Variants in RIN3 observed in about 807,000 individuals in gnomAD.
RIN3 encodes Ras and Rab interactor 3.
Under a neutral mutation model 76.3 loss-of-function variants are expected in RIN3, and 54 were observed. That is an observed-to-expected ratio of 0.71 (90% confidence interval 0.57 to 0.89). The LOEUF is 0.89. RIN3 is among the 40% of genes least tolerant of loss of function. RIN3 has a pLI of 0.00. For missense variants in RIN3, 1,256 were observed against 1,322.1 expected, an observed-to-expected ratio of 0.95 and a Z score of 0.78; for synonymous variants, 576 against 564.0, an observed-to-expected ratio of 1.02 and a Z score of -0.30.
intron 1 of RIN3, among the ~76,000 whole-genome samples, chr14:92,528,256 C>G (rs542317733): frequency 6.6e-6 from 1 of 152,106 alleles, no homozygotes; most frequent in Non-Finnish European, 1.5e-5. Flanking sequence ...CGCCTCCCTC[C>G]TAGGGAGATG....
At chr14:92,548,054 T>A (rs898445154) in intron 1 of RIN3, among the ~76,000 whole-genome samples, 2 of 152,150 alleles carry the variant, frequency 1.3e-5, no homozygotes, top group African/African-American at 4.8e-5. Flanking sequence ...ATTATAAAAA[T>A]TTGAAACAAA....
At chr14:92,576,139 T>C (rs61975774) in intron 2 of RIN3, 85,208 of 1,052,710 alleles carry the variant, frequency 0.081, 3,976 homozygotes, top group South Asian at 0.13. Context: ...TCCCCCTTCC[T>C]GGGGAAGCTG....
At chr14:92,630,193 G>A (rs769323449) in intron 4 of RIN3, among the ~76,000 whole-genome samples, 9 of 152,170 alleles carry the variant, frequency 5.9e-5, no homozygotes, top group South Asian at 2.1e-4. Flanking sequence ...AGAAACACAT[G>A]TAAAGAGACA....
chr14:92,579,708 T>C (rs1898375152), intron 3 of RIN3, among the ~76,000 whole-genome samples: 1 of 152,256 alleles, frequency 6.6e-6, no homozygotes. Context: ...CATGTGTGCC[T>C]GGCACTGGGA....
Position 92,623,561 on chromosome 14 carries a change from T to C in RIN3, c.440+8082T>C, listed in dbSNP as rs1886254986. Among the ~76,000 whole-genome samples, 1 of 152,230 alleles carries C rather than the reference T, an allele frequency of 6.6e-6. No homozygotes were observed. Among genetic ancestry groups the C allele is most frequent in the African/African-American group, 2.4e-5 (1 of 41,462 alleles). ...GACTCCAATTTCATCTACATAGACA[T>C]GAGAGTCGAAAGATCCTTGAGGGGC... On this transcript the variant is annotated intron_variant, in intron 4 of 9. Transcript: ENST00000216487. This position sits in a 1 kb window ranked among gnomAD's most constrained non-coding sequence, Gnocchi z 4.9.
chr14:92,672,176 C>T (rs780183133), intron 7 of RIN3, among the ~76,000 whole-genome samples: 1 of 151,922 alleles, frequency 6.6e-6, no homozygotes, highest in Non-Finnish European at 1.5e-5. Context: ...GAGGCTGAGG[C>T]GAGCGGATCA....
chr14:92,582,927 A>G (rs1884609917), intron 3 of RIN3, among the ~76,000 whole-genome samples: 1 of 152,126 alleles, frequency 6.6e-6, no homozygotes, highest in Non-Finnish European at 1.5e-5. Context: ...TCCTTGACAC[A>G]GCAGTTGAGA....
At chr14:92,617,452 A>G (rs553560035) in intron 4 of RIN3, among the ~76,000 whole-genome samples, 4 of 152,228 alleles carry the variant, frequency 2.6e-5, no homozygotes, top group African/African-American at 9.6e-5. Context: ...TACTTAGCCC[A>G]TCATTCATAG....
intron 7 of RIN3, among the ~76,000 whole-genome samples, chr14:92,670,159 G>A (rs1025019315): frequency 1.3e-5 from 2 of 151,890 alleles, no homozygotes; most frequent in Non-Finnish European, 2.9e-5. Context: ...ACCCAGCTGA[G>A]CACCTCTTCA....
rs1310512967 is a variant in RIN3, at chr14:92,681,890, A to AT, written c.2468-3088dup. On this transcript the variant is annotated intron_variant, in intron 8 of 9. Coordinates refer to ENST00000216487, the MANE Select transcript of RIN3 (RefSeq NM_024832.5). This position sits in a 1 kb window ranked among gnomAD's most constrained non-coding sequence, Gnocchi z 4.7. ...CAAAAAATGTCTCTTATTTATTTTT[A>AT]TTTTTTTTTAATTTGAGATGAAGTC... 7.3e-5 allele frequency among the ~76,000 whole-genome samples: 11 copies of AT among 151,514 alleles called. No individual in the cohort carries two copies. The highest frequency in any genetic ancestry group is 1.0e-4 in the Non-Finnish European group (7 of 67,798).
chr14:92,652,018 A>C lies in RIN3; in HGVS notation c.969A>C (p.Thr323=). Residue 323 remains threonine, a synonymous_variant, in exon 6 of 10, where the codon ACA becomes ACC. Coordinates refer to ENST00000216487, the MANE Select transcript of RIN3 (RefSeq NM_024832.5). This position sits in a 1 kb window ranked among gnomAD's most constrained non-coding sequence, Gnocchi z 6.4. ...CCCCAGTGCCTGCCCCCCACGTCAC[A>C]CCCCATGCCCCAGGTCCCCCAGACC... ...TSPPVPAPHV[T]PHAPGPPDHP... 7.2e-7 allele frequency: 1 copy of C among 1,390,500 alleles called. No homozygotes were observed. The highest frequency in any genetic ancestry group is 1.3e-5 in the South Asian group (1 of 78,964). 86.1% of individuals were successfully genotyped at this position (1,390,500 alleles called of 1,614,324 possible). A position where few individuals can be genotyped will look rare whatever the true frequency, so the allele number is the denominator to read the frequency against.
intron 1 of RIN3, among the ~76,000 whole-genome samples, chr14:92,549,653 G>A (rs1475642425): frequency 1.3e-5 from 2 of 152,236 alleles, no homozygotes; most frequent in East Asian, 3.8e-4. Context: ...TTAGGGAACT[G>A]GTGAGAAAAT....
Position 92,622,474 on chromosome 14 carries a change from A to G in RIN3, c.440+6995A>G, listed in dbSNP as rs997882849. On this transcript the variant is annotated intron_variant, in intron 4 of 9. Transcript: ENST00000216487. ...ACAAATTTTCAGTGCCACAAAGTGA[A>G]CCCAGCACTCAGGCAAAAGTTTTCT... Among the ~76,000 whole-genome samples the G allele has an allele frequency of 2.6e-5, 4 of 152,332 alleles. No homozygotes were observed. The East Asian group carries it at 7.7e-4, about 29-fold the overall frequency.
In RIN3 at chr14:92,593,678, C is replaced by T. The variant is rs911229613; in HGVS notation, c.367+16201C>T. Among the ~76,000 whole-genome samples the T allele has an allele frequency of 4.6e-5, 7 of 152,108 alleles. No individual in the cohort carries two copies. The East Asian group carries it at 1.4e-3, about 29-fold the overall frequency. On this transcript the variant is annotated intron_variant, in intron 3 of 9. Transcript: ENST00000216487. Reference sequence around the variant, plus strand: ...CACGTTGTGCACATGTACCCTAGAACTTAAAGTATAATAATAATAATAATA... The same window carrying T: ...CACGTTGTGCACATGTACCCTAGAATTTAAAGTATAATAATAATAATAATA...
chr14:92,549,848 T>C lies in RIN3; in HGVS notation c.45-5903T>C, dbSNP rs143993334. Among the ~76,000 whole-genome samples the C allele has an allele frequency of 1.8e-4, 27 of 152,342 alleles. No homozygotes were observed. In the East Asian group the frequency reaches 4.8e-3, roughly 27 times the overall value. ...CCCCATGAGTGGGAGAACAACCCGT[T>C]GTGGAGCAATTTCTCTTTCTGGTGG... On this transcript the variant is annotated intron_variant, in intron 1 of 9. Transcript: ENST00000216487.
At position 92,555,433 on chromosome 14, in the gene RIN3, C is replaced by T. The variant is rs190717889; in HGVS notation, c.45-318C>T. 8.5e-5 allele frequency among the ~76,000 whole-genome samples: 13 copies of T among 152,254 alleles called. No individual in the cohort carries two copies. The East Asian group carries it at 2.3e-3, about 27-fold the overall frequency. On this transcript the variant is annotated intron_variant, in intron 1 of 9. Transcript: ENST00000216487. ...ACTGCCTACTGTTGACAGTTCTGTC[C>T]GGTTTAAGAGATCCCAGACCCTCCC...
intron 3 of RIN3, among the ~76,000 whole-genome samples, chr14:92,606,744 A>T (rs1885540128): frequency 1.3e-5 from 2 of 152,252 alleles, no homozygotes; most frequent in African/African-American, 2.4e-5. Context: ...ATCATAAAAA[A>T]GATGGACAAT....
intron 7 of RIN3, among the ~76,000 whole-genome samples, chr14:92,670,529 G>C (rs1472299685): frequency 6.6e-6 from 1 of 152,178 alleles, no homozygotes; most frequent in African/African-American, 2.4e-5. Context: ...AGCCCTAACT[G>C]CCAAAATGTT....
intron 4 of RIN3, among the ~76,000 whole-genome samples, chr14:92,634,196 T>A (rs1886693517): frequency 6.8e-6 from 1 of 148,098 alleles, no homozygotes; most frequent in African/African-American, 2.5e-5. Flanking sequence ...TGCCTCAGCC[T>A]CCCACATAGC....
Sources: gnomAD v4.1 joint callset for allele counts (sites outside exome capture counted in the v4.1 genomes callset) on GRCh38, gnomAD v4.1.1 for gene constraint, Gnocchi (gnomAD v3.1) non-coding constraint, MANE v1.5 for transcripts, NCBI Gene and HGNC (gene_info 2026-07-23, HGNC 2026-07-21) for gene names.